HTT: variants seen among roughly 807,000 people sequenced by gnomAD.
HTT encodes huntingtin.
In HTT, 104 loss-of-function variants were observed where a neutral mutation model predicts 362.3. The ratio of observed to expected loss-of-function variants is 0.29; its 90% CI spans 0.24 to 0.34. The LOEUF (loss-of-function observed/expected upper bound fraction) is 0.34. HTT is among the 10% of genes least tolerant of loss of function. HTT has a pLI of 1.00. For synonymous variants in HTT, 1,577 were observed against 1,548.7 expected, an observed-to-expected ratio of 1.02 and a Z score of -0.43; for missense variants, 3,301 against 3,928.6, an observed-to-expected ratio of 0.84 and a Z score of 4.27.
At chr4:3,150,458 A>G (rs574655454) in intron 26 of HTT, among the ~76,000 whole-genome samples, 2 of 152,252 alleles carry the variant, frequency 1.3e-5, no homozygotes, top group African/African-American at 4.8e-5. Context: ...CAATGTAGCC[A>G]GCTGCCCCGT....
intron 6 of HTT, among the ~76,000 whole-genome samples, chr4:3,112,614 A>G (rs925645128): frequency 2.0e-5 from 3 of 152,220 alleles, no homozygotes; most frequent in African/African-American, 7.2e-5. Context: ...TAGGAGCTTC[A>G]TAGCATTCCA....
chr4:3,208,643 T>G (rs1719982496), intron 45 of HTT, 130 bp from the exon 46 acceptor site: 2 of 808,504 alleles, frequency 2.5e-6, no homozygotes. Flanking sequence ...GTATTTTCCT[T>G]TAAGAAGCCA....
intron 54 of HTT, 93 bp from the exon 55 acceptor site, chr4:3,223,313 C>A: frequency 2.4e-6 from 3 of 1,268,810 alleles, no homozygotes; most frequent in African/African-American, 1.5e-5. Context: ...GCTCCTCTTC[C>A]TCCCATTGAG....
rs566501962 is a variant in HTT, at chr4:3,154,478, T to C, written c.3625+59T>C. On this transcript the variant is annotated intron_variant, in intron 27 of 66. Coordinates refer to ENST00000355072, the MANE Select transcript of HTT (RefSeq NM_001388492.1). ...GTGCAGCATCTGTCATGTAGAAACATAGGATTTAAGTAACTTGGTGTTTTA... is the reference window on the plus strand; with the variant it reads ...GTGCAGCATCTGTCATGTAGAAACACAGGATTTAAGTAACTTGGTGTTTTA... The C allele has an allele frequency of 2.1e-5, 33 of 1,582,346 alleles. No homozygotes were observed. The African/African-American group carries it at 2.2e-4, about 10-fold the overall frequency.
intron 15 of HTT, 45 bp from the exon 16 acceptor site, chr4:3,131,593 A>C: frequency 6.2e-7 from 1 of 1,605,486 alleles, no homozygotes; most frequent in Non-Finnish European, 8.5e-7. Context: ...TTTGAAAACA[A>C]TCTGTTGTTT....
At chr4:3,229,691 A>G (rs543164283) in intron 59 of HTT, among the ~76,000 whole-genome samples, 196 bp from the exon 60 acceptor site, 1 of 152,050 alleles carries the variant, frequency 6.6e-6, no homozygotes, top group South Asian at 2.1e-4. Context: ...CACACACCAT[A>G]CATGCACCAC....
intron 54 of HTT, among the ~76,000 whole-genome samples, chr4:3,223,191 A>G (rs750332649): frequency 1.3e-5 from 2 of 152,250 alleles, no homozygotes; most frequent in Non-Finnish European, 2.9e-5. Flanking sequence ...GGAGTCCTTG[A>G]TTTGAAAAAT....
In HTT at chr4:3,188,314, A is replaced by G. The variant is rs1032324789; in HGVS notation, c.5225+428A>G. 4.6e-5 allele frequency: 8 copies of G among 175,168 alleles called. No homozygotes were observed. The East Asian group carries it at 1.1e-3, about 24-fold the overall frequency. The allele number at this position is 175,168 out of a possible 1,614,324, so 10.9% of individuals were successfully genotyped here. On this transcript the variant is annotated intron_variant, in intron 39 of 66. Transcript: ENST00000355072. ...CTCCCTGCAGGGCAGCCTGCCTCCA[A>G]TAAATACGTGTAGTATCAAATCCTG...
rs1578523636 is a variant in HTT at position 3,132,547 on chromosome 4, A to C, written c.2237-15A>C. 2 of 1,609,572 alleles carry C rather than the reference A, an allele frequency of 1.2e-6. No homozygotes were observed. Among genetic ancestry groups the C allele is most frequent in the Middle Eastern group, 3.3e-4 (2 of 6,048 alleles). ...GTAGGGAATTGTTCCATGGCTGAGC[A>C]ATTTATCTCCACAGAGGAACAGTAT... is the stretch of plus-strand genomic sequence containing the variant. On this transcript the variant is annotated splice_polypyrimidine_tract_variant and intron_variant, in intron 16 of 66. Coordinates refer to ENST00000355072, the MANE Select transcript of HTT (RefSeq NM_001388492.1).
intron 8 of HTT, 131 bp from the exon 9 acceptor site, chr4:3,121,097 G>A (rs1481895569): frequency 9.7e-6 from 6 of 617,248 alleles, no homozygotes; most frequent in Admixed American, 2.9e-5. Context: ...GGAAGTGATA[G>A]GGAAATATTT....
At chr4:3,118,396 C>A (rs1027482164) in intron 8 of HTT, among the ~76,000 whole-genome samples, 1 of 152,102 alleles carries the variant, frequency 6.6e-6, no homozygotes, top group Non-Finnish European at 1.5e-5. Context: ...TTGAGGTGCA[C>A]ATGGTGGGGC....
chr4:3,091,969 A>T (rs1177565126), intron 2 of HTT, among the ~76,000 whole-genome samples: 1 of 152,210 alleles, frequency 6.6e-6, no homozygotes. Context: ...TTAGAAAATT[A>T]AAAATAACCT....
intron 63 of HTT, 135 bp from the exon 64 acceptor site, chr4:3,236,014 C>G (rs1038347802): frequency 7.8e-6 from 6 of 768,814 alleles, no homozygotes; most frequent in Non-Finnish European, 1.4e-5. Context: ...GGGCTGGGTC[C>G]TGGGCAAGCA....
intron 34 of HTT, 77 bp from the exon 35 acceptor site, chr4:3,178,221 G>A: frequency 8.8e-7 from 1 of 1,137,374 alleles, no homozygotes; most frequent in Admixed American, 1.9e-5. Context: ...GTTGAATCAT[G>A]AATTATTTTA....
intron 1 of HTT, among the ~76,000 whole-genome samples, chr4:3,080,431 C>G (rs1712832791): frequency 6.6e-6 from 1 of 152,078 alleles, no homozygotes; most frequent in African/African-American, 2.4e-5. Context: ...CCTTGCAAAC[C>G]CTTGTTCTCA....
At chr4:3,160,620 T>C (rs190590971) in intron 29 of HTT, among the ~76,000 whole-genome samples, 1 of 152,320 alleles carries the variant, frequency 6.6e-6, no homozygotes. Flanking sequence ...ATGTATTAGC[T>C]TAGACCCAGT....
chr4:3,238,969 T>C lies in HTT; in HGVS notation c.9206T>C (p.Val3069Ala). 1 of 1,605,648 alleles carries C rather than the reference T, an allele frequency of 6.2e-7. No homozygotes were observed. Among genetic ancestry groups the C allele is most frequent in the Non-Finnish European group, 8.5e-7 (1 of 1,178,210 alleles). Residue 3069 changes from valine to alanine, a missense_variant, in exon 66 of 67, where the codon GTC becomes GCC. Coordinates refer to ENST00000355072, the MANE Select transcript of HTT (RefSeq NM_001388492.1). ...GTCAGCGCGTCCACCAGCCCGTGGG[T>C]CGCGGCGATGTATCCTCTCTGGGTC... Reference protein sequence around the residue: ...FFVSASTSPWVAAILPHVISR... With the variant: ...FFVSASTSPWAAAILPHVISR...
At chr4:3,149,294 C>CTTT (rs1029468563) in intron 26 of HTT, among the ~76,000 whole-genome samples, 2 of 130,882 alleles carry the variant, frequency 1.5e-5, no homozygotes, top group Admixed American at 7.7e-5. Context: ...AGTTCACATA[C>CTTT]TTTTTTTTTT....
intron 50 of HTT, among the ~76,000 whole-genome samples, chr4:3,214,647 A>G (rs968041899): frequency 6.6e-6 from 1 of 152,356 alleles, no homozygotes; most frequent in Middle Eastern, 3.4e-3. Flanking sequence ...TTTACATGTT[A>G]GAGGGCGTTT....
Sources: gnomAD v4.1 joint callset for allele counts (sites outside exome capture counted in the v4.1 genomes callset) on GRCh38, gnomAD v4.1.1 for gene constraint, MANE v1.5 for transcripts, NCBI Gene and HGNC (gene_info 2026-07-23, HGNC 2026-07-21) for gene names.